THRAP3: variants seen among roughly 807,000 people sequenced by gnomAD.
THRAP3 encodes thyroid hormone receptor associated protein 3, also known as thyroid hormone receptor-associated protein 3.
Under a neutral mutation model 101.0 loss-of-function variants are expected in THRAP3, and 16 were observed. The ratio of observed to expected loss-of-function variants is 0.16; its 90% CI spans 0.11 to 0.24. THRAP3 has a LOEUF of 0.24. Ranked by LOEUF, THRAP3 falls within the 10% of genes least tolerant of loss-of-function variation. THRAP3 has a pLI of 1.00. For missense variants in THRAP3, 989 were observed against 1,202.7 expected (o/e 0.82, Z 2.63); for synonymous variants, 407 against 422.6 (o/e 0.96, Z 0.45).
the THRAP3 span, among the ~76,000 whole-genome samples, chr1:36,209,061 C>T: frequency 3.4e-5 from 5 of 145,170 alleles, no homozygotes; most frequent in East Asian, 2.1e-4. Context: ...ACTGCAGCCT[C>T]GAACTCCTGG....
At chr1:36,238,572 T>C (rs903881439) in intron 1 of THRAP3, among the ~76,000 whole-genome samples, 2 of 152,156 alleles carry the variant, frequency 1.3e-5, no homozygotes, top group African/African-American at 4.8e-5. Context: ...GGGGCTATGG[T>C]AGGCAGATCT....
intron 1 of THRAP3, among the ~76,000 whole-genome samples, chr1:36,243,874 G>C (rs1209338150): frequency 1.4e-5 from 2 of 146,096 alleles, no homozygotes; most frequent in Non-Finnish European, 3.1e-5. Context: ...CGGGTGGGGG[G>C]CTGACCCCCC....
intron 1 of THRAP3, among the ~76,000 whole-genome samples, chr1:36,230,571 G>C (rs1312298349): frequency 6.6e-6 from 1 of 152,154 alleles, no homozygotes; most frequent in Non-Finnish European, 1.5e-5. Context: ...CCTAGAAAAG[G>C]AGCATTTTAA....
chr1:36,265,039 C>T (rs900349249), intron 2 of THRAP3, among the ~76,000 whole-genome samples: 1 of 152,114 alleles, frequency 6.6e-6, no homozygotes, highest in Non-Finnish European at 1.5e-5. Context: ...GTATACCTCA[C>T]TAAAGACCCT....
upstream of THRAP3, among the ~76,000 whole-genome samples, chr1:36,220,812 G>C (rs1644898855): frequency 6.6e-6 from 1 of 151,646 alleles, no homozygotes; most frequent in African/African-American, 2.4e-5. Context: ...AAAATTATCT[G>C]GGTGAGGTGG....
intron 2 of THRAP3, among the ~76,000 whole-genome samples, chr1:36,262,133 T>C (rs1645454279): frequency 1.3e-5 from 2 of 152,364 alleles, no homozygotes; most frequent in Admixed American, 1.3e-4. Context: ...TAATTCAATA[T>C]ATCCAGTACA....
chr1:36,293,486 T>C (rs548100760), intron 7 of THRAP3, among the ~76,000 whole-genome samples: 18 of 152,316 alleles, frequency 1.2e-4, no homozygotes, highest in African/African-American at 4.3e-4. Flanking sequence ...TTAAAGACTA[T>C]TACATTTGGT....
At chr1:36,268,802 T>C (rs892706937) in intron 2 of THRAP3, among the ~76,000 whole-genome samples, 4 of 151,872 alleles carry the variant, frequency 2.6e-5, no homozygotes, top group Non-Finnish European at 5.9e-5. Context: ...CTCAGCTCAC[T>C]GCAAGCTCCA....
At chr1:36,291,899 A>T (rs1426246725) in intron 6 of THRAP3, among the ~76,000 whole-genome samples, 1 of 152,164 alleles carries the variant, frequency 6.6e-6, no homozygotes, top group Non-Finnish European at 1.5e-5. Flanking sequence ...TTTCTTCCCC[A>T]AAGTATTCTA....
At chr1:36,224,053 A>C (rs1644927218), upstream of THRAP3, among the ~76,000 whole-genome samples, 2 of 152,202 alleles carry the variant, frequency 1.3e-5, no homozygotes. Flanking sequence ...AAAAACAGGG[A>C]GACTCGACTT....
the THRAP3 span, among the ~76,000 whole-genome samples, chr1:36,211,472 C>T: frequency 2.6e-5 from 4 of 152,000 alleles, no homozygotes; most frequent in Non-Finnish European, 5.9e-5. Context: ...CAGGAAGTGG[C>T]GGCTGCAGTG....
chr1:36,260,898 A>T (rs1319380633), intron 2 of THRAP3, among the ~76,000 whole-genome samples: 1 of 151,246 alleles, frequency 6.6e-6, no homozygotes, highest in African/African-American at 2.4e-5. Context: ...CAACATTATT[A>T]TGATTACGTA....
intron 2 of THRAP3, among the ~76,000 whole-genome samples, chr1:36,266,982 G>A (rs1445195219): frequency 6.6e-6 from 1 of 151,996 alleles, no homozygotes; most frequent in East Asian, 1.9e-4. Context: ...CTGGGTTCAA[G>A]CAATTCTCCT....
chr1:36,213,997 GGAAAGAAAGAAAGAAAGAAAGAAAGAAA>G, the THRAP3 span, among the ~76,000 whole-genome samples: 2,361 of 80,940 alleles, frequency 0.029, 62 homozygotes, highest in Middle Eastern at 0.049. Flanking sequence ...AAGAAAGAAA[GGAAAGAAAGAAAGAAAGAAAGAAAGAAA>G]GAAAGAAAGA....
chr1:36,259,222 G>C (rs1645413238), intron 1 of THRAP3, among the ~76,000 whole-genome samples, 160 bp from the exon 2 acceptor site: 2 of 152,206 alleles, frequency 1.3e-5, no homozygotes, highest in African/African-American at 2.4e-5. Flanking sequence ...AAACCTGTCA[G>C]ACAGAGGCAG....
At chr1:36,221,055 T>C (rs1156539268), upstream of THRAP3, among the ~76,000 whole-genome samples, 12 of 146,580 alleles carry the variant, frequency 8.2e-5, no homozygotes, top group South Asian at 2.2e-3. Context: ...CATGGTGGTA[T>C]GCACTTGTAG....
chr1:36,220,645 C>G (rs1443025719), upstream of THRAP3, among the ~76,000 whole-genome samples: 4 of 151,376 alleles, frequency 2.6e-5, no homozygotes, highest in Non-Finnish European at 4.4e-5. Context: ...GAGTTTGAGA[C>G]CAGAATGGGC....
chr1:36,244,510 A>G (rs912761014), intron 1 of THRAP3, among the ~76,000 whole-genome samples: 2 of 152,206 alleles, frequency 1.3e-5, no homozygotes, highest in African/African-American at 4.8e-5. Flanking sequence ...CTTAGTGTCA[A>G]ACTGATTTCT....
intron 1 of THRAP3, among the ~76,000 whole-genome samples, chr1:36,239,708 A>C (rs1362303670): frequency 6.6e-6 from 1 of 152,214 alleles, no homozygotes; most frequent in South Asian, 2.1e-4. Context: ...TTATTAGGAA[A>C]GATTTCAAGC....
Sources: gnomAD v4.1 joint callset for allele counts (sites outside exome capture counted in the v4.1 genomes callset) on GRCh38, gnomAD v4.1.1 for gene constraint, MANE v1.5 for transcripts, NCBI Gene and HGNC (gene_info 2026-07-23, HGNC 2026-07-21) for gene names.